Variants in TPO observed in about 807,000 individuals in gnomAD.
TPO encodes thyroid microsomal antigen.
A neutral mutation model predicts 96.9 loss-of-function variants in TPO; 78 were observed. The ratio of observed to expected loss-of-function variants is 0.81; its 90% CI spans 0.67 to 0.97. The LOEUF (loss-of-function observed/expected upper bound fraction) is 0.97. Among genes scored for constraint, TPO ranks in the 50% least tolerant of loss-of-function variants. The probability of loss-of-function intolerance (pLI) is 0.00; values close to 1 mark genes in which losing one functional copy is unlikely to be tolerated. For synonymous variants in TPO, 547 were observed against 538.0 expected, an observed-to-expected ratio of 1.02 and a Z score of -0.23; for missense variants, 1,252 against 1,274.8, an observed-to-expected ratio of 0.98 and a Z score of 0.27.
intron 15 of TPO, among the ~76,000 whole-genome samples, chr2:1,531,677 C>T (rs1678284207): frequency 9.8e-6 from 1 of 102,546 alleles, no homozygotes; most frequent in Admixed American, 1.1e-4. Flanking sequence ...TGCAATCTCC[C>T]CAAATCCCGC....
intron 10 of TPO, among the ~76,000 whole-genome samples, chr2:1,493,004 C>T (rs968331614): frequency 6.6e-6 from 1 of 152,014 alleles, no homozygotes; most frequent in Non-Finnish European, 1.5e-5. Flanking sequence ...GCACGAGTGT[C>T]AGGCAAAGGC....
At chr2:1,463,819 C>A (rs539464298) in intron 7 of TPO, among the ~76,000 whole-genome samples, 9 of 152,208 alleles carry the variant, frequency 5.9e-5, no homozygotes, top group Non-Finnish European at 1.2e-4. Context: ...GCTATGCAAG[C>A]CTCCTCATGC....
Position 1,414,518 on chromosome 2 carries a change from A to G in TPO, c.94+16A>G. ...CTCCTTTGGGGTAAGTAGCAAACAC[A>G]TTGCGGTCTTCTGGCCTTATAAAGT... On this transcript the variant is annotated intron_variant, in intron 2 of 16. Coordinates refer to ENST00000329066, the MANE Select transcript of TPO (RefSeq NM_001206744.2). 1.2e-6 allele frequency: 2 copies of G among 1,611,596 alleles called. No individual in the cohort carries two copies. The highest frequency in any genetic ancestry group is 1.7e-6 in the Non-Finnish European group (2 of 1,178,122).
upstream of TPO, among the ~76,000 whole-genome samples, chr2:1,410,157 G>T (rs764711768): frequency 6.6e-6 from 1 of 152,160 alleles, no homozygotes; most frequent in Non-Finnish European, 1.5e-5. Flanking sequence ...GGATGAATAC[G>T]TGAGGTGCTG....
chr2:1,487,678 A>G, intron 9 of TPO, 143 bp from the exon 10 acceptor site: 2 of 1,047,114 alleles, frequency 1.9e-6, no homozygotes, highest in Non-Finnish European at 2.8e-6. Context: ...CAGAGCTTGC[A>G]GTGAGCTGAG....
rs149860536 is a variant in TPO, at chr2:1,480,815, A to ACACCACGTCCCTGCTGCTGCGTCTGTCCT, written c.1338+3217_1338+3245dup. ...CACCTTCCTCCTGCTGCATCCGTCC[A>ACACCACGTCCCTGCTGCTGCGTCTGTCCT]CACCACGTCCCTGCTGCTGCGTCTG... On this transcript the variant is annotated intron_variant, in intron 8 of 16. Transcript: ENST00000329066. 9.9e-4 allele frequency among the ~76,000 whole-genome samples: 150 copies of ACACCACGTCCCTGCTGCTGCGTCTGTCCT among 150,896 alleles called. 2 individuals carry two copies. The East Asian group carries it at 0.011, about 11-fold the overall frequency.
At chr2:1,391,184 A>C (rs543310861) in intron 1 of TPO, among the ~76,000 whole-genome samples, 1 of 152,340 alleles carries the variant, frequency 6.6e-6, no homozygotes, top group South Asian at 2.1e-4. Context: ...TAAGTCTTTA[A>C]TCCATCTTGA....
At chr2:1,420,471 C>T (rs1573101661) in intron 2 of TPO, among the ~76,000 whole-genome samples, 1 of 151,822 alleles carries the variant, frequency 6.6e-6, no homozygotes, top group African/African-American at 2.4e-5. Context: ...TTTTCTGGTA[C>T]CTAAAGATCA....
At chr2:1,539,624 A>G (rs2125345317) in intron 15 of TPO, among the ~76,000 whole-genome samples, 1 of 152,158 alleles carries the variant, frequency 6.6e-6, no homozygotes, top group African/African-American at 2.4e-5. Flanking sequence ...GGCTATGCGG[A>G]GGGCGCTGTG....
chr2:1,537,644 C>T (rs1680120577), intron 15 of TPO, among the ~76,000 whole-genome samples: 1 of 116,914 alleles, frequency 8.6e-6, no homozygotes, highest in Admixed American at 9.4e-5. Flanking sequence ...ATCCCCAGAT[C>T]CCCCCCAATG....
chr2:1,422,390 C>CCTCTCCT (rs1157281363), intron 2 of TPO, among the ~76,000 whole-genome samples: 1 of 150,668 alleles, frequency 6.6e-6, no homozygotes, highest in African/African-American at 2.4e-5. Context: ...GCAGGCGCCG[C>CCTCTCCT]GCTGGGCCAT....
At position 1,469,239 on chromosome 2, in the gene TPO, T is replaced by C. The variant is rs138899945; in HGVS notation, c.820-7847T>C. On this transcript the variant is annotated intron_variant, in intron 7 of 16. Transcript: ENST00000329066. Reference sequence around the variant, plus strand: ...GGGATTTCTCCTTGGTTTGGATCCATTGCCAGTGAGCTAGTGTGATTTTAG... The same window carrying C: ...GGGATTTCTCCTTGGTTTGGATCCACTGCCAGTGAGCTAGTGTGATTTTAG... Among the ~76,000 whole-genome samples the C allele has an allele frequency of 5.7e-3, 865 of 152,292 alleles. 7 individuals are homozygous for C. The highest frequency in any genetic ancestry group is 0.019 in the African/African-American group (805 of 41,556).
chr2:1,418,902 C>G (rs1352239532), intron 2 of TPO, among the ~76,000 whole-genome samples: 2 of 152,216 alleles, frequency 1.3e-5, no homozygotes, highest in African/African-American at 4.8e-5. Flanking sequence ...TAAGAATCAA[C>G]ACACAACTCT....
intron 1 of TPO, among the ~76,000 whole-genome samples, chr2:1,384,964 GA>G (rs1661867652): frequency 6.6e-6 from 1 of 152,210 alleles, no homozygotes; most frequent in Admixed American, 6.5e-5. Flanking sequence ...CATCTATTGA[GA>G]TAATCATGTG....
At chr2:1,458,872 T>A (rs1668137650) in intron 7 of TPO, among the ~76,000 whole-genome samples, 1 of 152,184 alleles carries the variant, frequency 6.6e-6, no homozygotes, top group South Asian at 2.1e-4. Context: ...TGAGCATGAG[T>A]TGCCTTCTGC....
rs767421162 is a variant in TPO at position 1,503,991 on chromosome 2, C to T, written c.2430C>T (p.Ala810=). Residue 810 remains alanine (A), a synonymous_variant, in exon 14 of 17, where the codon GCC becomes GCT. Transcript: ENST00000329066. ...CADGAHPPCH[A]SARCRNTKGG... ...ACGGTGCCCACCCCCCCTGCCACGC[C>T]TCTGCGAGGTGCAGAAACACCAAAG... is the stretch of plus-strand genomic sequence containing the variant. 14 of 1,614,208 alleles carry T rather than the reference C, an allele frequency of 8.7e-6. No homozygotes were observed. In the Admixed American group the frequency reaches 2.0e-4, roughly 23 times the overall value.
At chr2:1,437,411 C>T (rs76264147) in intron 5 of TPO, among the ~76,000 whole-genome samples, 2,939 of 151,922 alleles carry the variant, frequency 0.019, 88 homozygotes, top group East Asian at 0.12. Flanking sequence ...GACTCGAGCT[C>T]CTCACTGCTG....
chr2:1,499,684 C>T (rs1252520559), intron 13 of TPO, among the ~76,000 whole-genome samples: 4 of 152,182 alleles, frequency 2.6e-5, no homozygotes, highest in East Asian at 1.9e-4. Flanking sequence ...AATCCACACT[C>T]TTCACAAGAC....
chr2:1,521,819 G>A (rs779491985), intron 15 of TPO, among the ~76,000 whole-genome samples: 21 of 152,038 alleles, frequency 1.4e-4, no homozygotes, highest in African/African-American at 2.7e-4. Flanking sequence ...CCCTGGAAAT[G>A]AGCAGGGGGA....
Sources: gnomAD v4.1 joint callset for allele counts (sites outside exome capture counted in the v4.1 genomes callset) on GRCh38, gnomAD v4.1.1 for gene constraint, MANE v1.5 for transcripts, NCBI Gene and HGNC (gene_info 2026-07-23, HGNC 2026-07-21) for gene names.